The following USP9X variants were observed in gnomAD, a reference collection of about 807,000 sequenced individuals.
USP9X encodes the protein ubiquitin carboxyl-terminal hydrolase 9X.
A neutral mutation model predicts 190.3 loss-of-function variants in USP9X; 7 were observed. The ratio of observed to expected loss-of-function variants is 0.04; its 90% CI spans 0.02 to 0.07. USP9X has a LOEUF of 0.07. Ranked by LOEUF, USP9X falls within the 10% of genes least tolerant of loss-of-function variation. USP9X has a pLI of 1.00. For synonymous variants in USP9X, 645 were observed against 659.5 expected (o/e 0.98, Z 0.34); for missense variants, 1,010 against 1,916.9 (o/e 0.53, Z 8.83).
chrX:41,094,766 C>T (rs762928375), intron 1 of USP9X, among the ~76,000 whole-genome samples: 11 of 109,841 alleles, frequency 1.0e-4, no homozygotes, highest in South Asian at 4.0e-4. Context: ...GGGCCAGGCG[C>T]GGTGGCTCAC....
chrX:41,086,817 A>G (rs769956550), intron 1 of USP9X, among the ~76,000 whole-genome samples: 18 of 112,664 alleles, frequency 1.6e-4, no homozygotes, highest in Non-Finnish European at 5.6e-5. Flanking sequence ...TTCTATTTTT[A>G]ACTGTTTCTG....
At chrX:41,086,920 C>A (rs754346927) in intron 1 of USP9X, among the ~76,000 whole-genome samples, 4 of 112,660 alleles carry the variant, frequency 3.6e-5, no homozygotes, top group Non-Finnish European at 7.5e-5. Flanking sequence ...ATTTTTCATT[C>A]ATTGTGAAAT....
rs774870632 is a variant in USP9X, at chrX:41,137,077, C to G, written c.654+55C>G. 1.6e-4 allele frequency: 160 copies of G among 1,019,308 alleles called. No homozygotes were observed. The African/African-American group carries it at 2.6e-3, about 17-fold the overall frequency. The allele number at this position is 1,019,308 out of a possible 1,213,427, so 84.0% of individuals were successfully genotyped here. A position where few individuals can be genotyped will look rare whatever the true frequency, so the allele number is the denominator to read the frequency against. On this transcript the variant is annotated intron_variant, in intron 6 of 44. Transcript: ENST00000378308. ...ATAATACAATTGTTTTGTTCTGACA[C>G]AGAATCTTCAGTGATCTGTATTTAA...
chrX:41,159,472 A>G (rs1389003512), intron 14 of USP9X, among the ~76,000 whole-genome samples: 2 of 111,950 alleles, frequency 1.8e-5, no homozygotes, highest in African/African-American at 6.5e-5. Flanking sequence ...CTTTGAAAAC[A>G]TTATGCTAAG....
chrX:41,149,034 AAC>A (rs753343090), intron 12 of USP9X, among the ~76,000 whole-genome samples: 1 of 112,073 alleles, frequency 8.9e-6, no homozygotes, highest in South Asian at 3.7e-4. Context: ...TGTATTTTTT[AAC>A]ACATGGTAAA....
At chrX:41,222,019 T>TATAA (rs970402697) in intron 38 of USP9X, among the ~76,000 whole-genome samples, 16 of 111,451 alleles carry the variant, frequency 1.4e-4, no homozygotes, top group African/African-American at 4.9e-4. Context: ...TGGTACCATT[T>TATAA]ACTGAGGGGA....
intron 32 of USP9X, among the ~76,000 whole-genome samples, chrX:41,207,732 G>A (rs1407967018): frequency 1.8e-5 from 2 of 111,065 alleles, no homozygotes; most frequent in African/African-American, 3.3e-5. Flanking sequence ...AGCGGGGAAC[G>A]AAGGGTCACC....
At chrX:41,178,275 A>G (rs1459795491) in intron 21 of USP9X, among the ~76,000 whole-genome samples, 1 of 106,654 alleles carries the variant, frequency 9.4e-6, no homozygotes, top group East Asian at 2.9e-4. Context: ...TAATTATTAT[A>G]TTTTTAGTAG....
chrX:41,158,404 G>A (rs2062598376), intron 14 of USP9X, among the ~76,000 whole-genome samples: 1 of 111,248 alleles, frequency 9.0e-6, no homozygotes, highest in Non-Finnish European at 1.9e-5. Flanking sequence ...GAAACATTGA[G>A]GCCAGAAGGC....
chrX:41,169,144 AT>A (rs769389002), intron 18 of USP9X, among the ~76,000 whole-genome samples: 9 of 105,703 alleles, frequency 8.5e-5, no homozygotes, highest in Non-Finnish European at 1.2e-4. Flanking sequence ...CTTTTTTTGA[AT>A]TTTTTTTTTT....
chrX:41,214,778 G>A, intron 34 of USP9X, 69 bp downstream of exon 34: 1 of 1,057,105 alleles, frequency 9.5e-7, no homozygotes, highest in South Asian at 2.2e-5. Flanking sequence ...GGTTTTTTTG[G>A]TTCATCCTCA....
chrX:41,134,762 C>G lies in USP9X; in HGVS notation c.360C>G (p.Phe120Leu). ...AAAGTGAAGCATGTCAGCGATTTTT[C>G]CGTGATGGGCTAACAATATCATTCA... ...DVKSEACQRF[F>L]RDGLTISFTK... Residue 120 changes from phenylalanine to leucine, a missense_variant, in exon 5 of 45, where the codon TTC becomes TTG. Coordinates refer to ENST00000378308, the MANE Select transcript of USP9X (RefSeq NM_001039591.3). The G allele has an allele frequency of 8.3e-7, 1 of 1,209,940 alleles. No homozygotes were observed. Among genetic ancestry groups the G allele is most frequent in the Non-Finnish European group, 1.1e-6 (1 of 894,560 alleles).
chrX:41,227,706 C>CTT (rs373162842), intron 41 of USP9X, among the ~76,000 whole-genome samples: 1 of 104,763 alleles, frequency 9.5e-6, no homozygotes. Flanking sequence ...GATTCCAGAA[C>CTT]TTTTTTTTTT....
intron 21 of USP9X, among the ~76,000 whole-genome samples, chrX:41,175,493 A>AGCCTG (rs1369095672): frequency 9.1e-6 from 1 of 110,492 alleles, no homozygotes; most frequent in Admixed American, 9.7e-5. Context: ...ACTGTACTCC[A>AGCCTG]GCCTGGGCAA....
intron 30 of USP9X, among the ~76,000 whole-genome samples, chrX:41,200,763 GT>G: frequency 8.9e-6 from 1 of 112,554 alleles, no homozygotes; most frequent in Non-Finnish European, 1.9e-5. Flanking sequence ...TGCAAGTAAA[GT>G]TAGCATGTAG....
chrX:41,119,649 T>G (rs779057622), intron 1 of USP9X, among the ~76,000 whole-genome samples: 47 of 112,110 alleles, frequency 4.2e-4, no homozygotes, highest in Non-Finnish European at 7.1e-4. Context: ...TTAGCTAATA[T>G]TTTGAGTGCC....
chrX:41,202,245 C>CA (rs777319115), intron 31 of USP9X, among the ~76,000 whole-genome samples: 1 of 112,022 alleles, frequency 8.9e-6, no homozygotes, highest in African/African-American at 3.2e-5. Flanking sequence ...TAAATAGTCT[C>CA]ACGTAGTCTT....
At chrX:41,099,114 TTTTTTTTTA>T (rs1406091255) in intron 1 of USP9X, among the ~76,000 whole-genome samples, 3 of 91,828 alleles carry the variant, frequency 3.3e-5, no homozygotes, top group South Asian at 5.4e-4. Flanking sequence ...TTTTTTTTTT[TTTTTTTTTA>T]AACAGAGATG....
intron 21 of USP9X, among the ~76,000 whole-genome samples, chrX:41,174,438 A>G (rs1269613293): frequency 9.0e-6 from 1 of 111,226 alleles, no homozygotes; most frequent in Non-Finnish European, 1.9e-5. Flanking sequence ...AGTTCCTCAT[A>G]CTGTCTTTGA....
Sources: gnomAD v4.1 joint callset for allele counts (sites outside exome capture counted in the v4.1 genomes callset) on GRCh38, gnomAD v4.1.1 for gene constraint, MANE v1.5 for transcripts, NCBI Gene and HGNC (gene_info 2026-07-23, HGNC 2026-07-21) for gene names.